Variants in ESRRG observed in about 807,000 individuals in gnomAD.
ESRRG encodes estrogen related receptor gamma, also known as estrogen-related receptor gamma.
In ESRRG, 13 loss-of-function variants were observed where a neutral mutation model predicts 44.0. That is an observed-to-expected ratio of 0.30 (90% confidence interval 0.19 to 0.47). The LOEUF is 0.47. ESRRG is among the 20% of genes least tolerant of loss of function. The pLI, the probability that ESRRG is intolerant of heterozygous loss-of-function variation, is 1.00. For missense variants in ESRRG, 395 were observed against 580.6 expected, an observed-to-expected ratio of 0.68 and a Z score of 3.29; for synonymous variants, 215 against 214.6, an observed-to-expected ratio of 1.00 and a Z score of -0.02.
intron 2 of ESRRG, among the ~76,000 whole-genome samples, chr1:216,654,171 G>C (rs1222073183): frequency 6.6e-6 from 1 of 150,840 alleles, no homozygotes; most frequent in Non-Finnish European, 1.5e-5. Flanking sequence ...ATAAGTAAAA[G>C]AATATACTTA....
intron 1 of ESRRG, among the ~76,000 whole-genome samples, chr1:216,697,069 G>A (rs1005518709): frequency 1.3e-5 from 2 of 151,800 alleles, no homozygotes; most frequent in African/African-American, 4.8e-5. Context: ...GGGTTCAAGT[G>A]ATTCTCATGC....
At chr1:216,868,438 T>A (rs1577425512) in intron 2 of ESRRG, among the ~76,000 whole-genome samples, 1 of 152,270 alleles carries the variant, frequency 6.6e-6, no homozygotes, top group Non-Finnish European at 1.5e-5. Flanking sequence ...ATTGGATGGA[T>A]GCACCACAGT....
intron 3 of ESRRG, among the ~76,000 whole-genome samples, chr1:216,581,810 G>A (rs972320289): frequency 2.0e-5 from 3 of 152,190 alleles, no homozygotes; most frequent in African/African-American, 4.8e-5. Context: ...TTTCCACTCC[G>A]AAAAGAAGGC....
intron 2 of ESRRG, among the ~76,000 whole-genome samples, chr1:216,659,186 G>C (rs981446807): frequency 2.6e-5 from 4 of 152,102 alleles, no homozygotes; most frequent in Admixed American, 2.6e-4. Context: ...TATTTACCTT[G>C]AATCCTAAGG....
chr1:216,960,561 G>T (rs914338914), intron 1 of ESRRG, among the ~76,000 whole-genome samples: 1 of 149,294 alleles, frequency 6.7e-6, no homozygotes, highest in African/African-American at 2.5e-5. Flanking sequence ...TCAATACTAC[G>T]CTTTTATGAC....
intron 1 of ESRRG, among the ~76,000 whole-genome samples, chr1:217,130,707 G>A (rs1246017212): frequency 2.6e-5 from 4 of 152,104 alleles, no homozygotes; most frequent in African/African-American, 7.2e-5. Flanking sequence ...TTGGTAAAAG[G>A]GGGATATAAT....
chr1:216,768,480 A>ATCTATCTATCTATCTGTCTGTCTG (rs1553593171), intron 2 of ESRRG, among the ~76,000 whole-genome samples: 2 of 150,170 alleles, frequency 1.3e-5, no homozygotes, highest in African/African-American at 4.9e-5. Flanking sequence ...CTATCTATCT[A>ATCTATCTATCTATCTGTCTGTCTG]TCTATCTATC....
chr1:216,924,737 T>C (rs998434476), intron 2 of ESRRG, among the ~76,000 whole-genome samples: 10 of 152,270 alleles, frequency 6.6e-5, no homozygotes, highest in African/African-American at 2.4e-4. Flanking sequence ...TGATAGAGTT[T>C]GCAGCTCCAG....
chr1:217,083,957 T>C (rs1229995655), intron 1 of ESRRG, among the ~76,000 whole-genome samples: 2 of 152,180 alleles, frequency 1.3e-5, no homozygotes, highest in Admixed American at 1.3e-4. Context: ...AACCTTACAT[T>C]TTCCTCAAGA....
At chr1:216,564,186 CT>C in intron 5 of ESRRG, 32 bp downstream of exon 5, 2 of 1,408,664 alleles carry the variant, frequency 1.4e-6, no homozygotes, top group South Asian at 1.6e-5. Flanking sequence ...TAATTGCAAC[CT>C]TTTCTTTTCT....
intron 5 of ESRRG, among the ~76,000 whole-genome samples, chr1:216,520,736 T>C (rs1449858459): frequency 1.3e-5 from 2 of 152,196 alleles, no homozygotes; most frequent in Non-Finnish European, 2.9e-5. Flanking sequence ...CCAGTAATTC[T>C]ACAGAAAGGA....
intron 5 of ESRRG, among the ~76,000 whole-genome samples, chr1:216,522,139 G>GTGTGTGTGTATATGTGTGTGCA (rs2046271699): frequency 6.6e-6 from 1 of 151,020 alleles, no homozygotes; most frequent in Admixed American, 6.6e-5. Flanking sequence ...ATTGATGGTT[G>GTGTGTGTGTATATGTGTGTGCA]TGTGTGTGTA....
chr1:216,578,232 C>T (rs534755265), intron 3 of ESRRG, among the ~76,000 whole-genome samples: 60 of 152,022 alleles, frequency 3.9e-4, no homozygotes, highest in African/African-American at 1.4e-3. Flanking sequence ...ACAATACAAG[C>T]GAGAGATGTC....
At chr1:216,544,336 C>T (rs1012420057) in intron 5 of ESRRG, among the ~76,000 whole-genome samples, 2 of 151,998 alleles carry the variant, frequency 1.3e-5, no homozygotes, top group Non-Finnish European at 2.9e-5. Flanking sequence ...AAAATAATTA[C>T]ATATTTCTCA....
intron 3 of ESRRG, among the ~76,000 whole-genome samples, chr1:216,633,375 C>T (rs920531080): frequency 6.6e-6 from 1 of 152,210 alleles, no homozygotes; most frequent in African/African-American, 2.4e-5. Context: ...TGGACACTTT[C>T]AGTGCTGAAC....
chr1:217,108,781 A>G (rs2092628779), intron 1 of ESRRG, among the ~76,000 whole-genome samples: 1 of 152,104 alleles, frequency 6.6e-6, no homozygotes, highest in Non-Finnish European at 1.5e-5. Flanking sequence ...GCTTCCTGCA[A>G]AGCCTGGAGA....
chr1:216,923,735 C>A (rs137958924), intron 2 of ESRRG, among the ~76,000 whole-genome samples: 17 of 152,186 alleles, frequency 1.1e-4, no homozygotes, highest in Admixed American at 3.9e-4. Flanking sequence ...AACCACACTG[C>A]TGCATTTTTC....
chr1:216,609,158 C>T (rs561236757), intron 3 of ESRRG, among the ~76,000 whole-genome samples: 20 of 152,310 alleles, frequency 1.3e-4, no homozygotes, highest in Admixed American at 3.9e-4. Flanking sequence ...CACACACTTA[C>T]GACATCATAT....
chr1:216,823,922 TG>T (rs1282940934), intron 2 of ESRRG, among the ~76,000 whole-genome samples: 1 of 152,182 alleles, frequency 6.6e-6, no homozygotes, highest in Non-Finnish European at 1.5e-5. Context: ...AAGGGAAGTC[TG>T]TTTTGTATAT....
Sources: allele counts gnomAD v4.1 joint callset (sites outside exome capture counted in the v4.1 genomes callset), GRCh38; gene constraint gnomAD v4.1.1; transcripts MANE v1.5; gene names NCBI Gene and HGNC (gene_info 2026-07-23, HGNC 2026-07-21).